Variants in MYO16 observed in about 807,000 individuals in gnomAD.
MYO16 encodes the protein unconventional myosin-XVI.
In MYO16, 94 loss-of-function variants were observed where a neutral mutation model predicts 205.3. That is an observed-to-expected ratio of 0.46 (90% confidence interval 0.39 to 0.54). The LOEUF (loss-of-function observed/expected upper bound fraction) is 0.54, where lower values mean the gene tolerates loss of function less well. Ranked by LOEUF, MYO16 falls within the 20% of genes least tolerant of loss-of-function variation. MYO16 has a pLI of 0.00. For synonymous variants in MYO16, 988 were observed against 954.0 expected (o/e 1.04, Z -0.66); for missense variants, 2,315 against 2,387.5 (o/e 0.97, Z 0.63).
At chr13:108,972,371 T>G (rs1391420480) in intron 20 of MYO16, among the ~76,000 whole-genome samples, 3 of 52,882 alleles carry the variant, frequency 5.7e-5, no homozygotes, top group Non-Finnish European at 1.0e-4. Flanking sequence ...TATATATATA[T>G]ATATATATAT....
At position 109,141,291 on chromosome 13, in the gene MYO16, C is replaced by G; in HGVS notation, c.5079C>G (p.Pro1693=). 1 of 1,597,282 alleles carries G rather than the reference C, an allele frequency of 6.3e-7. No homozygotes were observed. The highest frequency in any genetic ancestry group is 8.5e-7 in the Non-Finnish European group (1 of 1,172,478). The stretch of plus-strand genomic sequence containing the variant: ...CCAGCTCCAGGCCTCTCAGCAGCCC[C>G]CTGGACGAGCTCGCCAGCCTCTTCA... ...SPPSSRPLSS[P]LDELASLFNS... Residue 1693 remains proline, a synonymous_variant, in exon 32 of 35, where the codon CCC becomes CCG. Transcript: ENST00000457511. The surrounding 1 kb of genome is among the most constrained non-coding windows in gnomAD (Gnocchi z 4.1).
At chr13:108,914,573 A>G (rs1881405544) in intron 16 of MYO16, among the ~76,000 whole-genome samples, 3 of 152,208 alleles carry the variant, frequency 2.0e-5, no homozygotes, top group Admixed American at 2.0e-4. Context: ...TGCATCAGTA[A>G]CTGTGAGCTA....
At chr13:108,896,550 T>C (rs1880420196) in intron 14 of MYO16, among the ~76,000 whole-genome samples, 1 of 152,234 alleles carries the variant, frequency 6.6e-6, no homozygotes, top group African/African-American at 2.4e-5. Flanking sequence ...TTCACTATTA[T>C]CACAACTTGT....
At chr13:108,727,293 T>C (rs1325298184) in intron 3 of MYO16, 147 bp from the exon 4 acceptor site, 4 of 724,722 alleles carry the variant, frequency 5.5e-6, no homozygotes, top group Non-Finnish European at 8.8e-6. Flanking sequence ...TGTTGGTTAG[T>C]TGGGGAAATA....
chr13:109,151,299 C>T (rs918304232), intron 32 of MYO16, among the ~76,000 whole-genome samples: 1 of 152,206 alleles, frequency 6.6e-6, no homozygotes, highest in African/African-American at 2.4e-5. Flanking sequence ...ATCCTGGTTT[C>T]TCCTTGAAAT....
At chr13:108,826,269 AC>A (rs552542180) in intron 9 of MYO16, among the ~76,000 whole-genome samples, 132 of 152,272 alleles carry the variant, frequency 8.7e-4, no homozygotes, top group Admixed American at 8.1e-3. Flanking sequence ...AGAACCCCTT[AC>A]ATTTCTGGTT....
At chr13:108,762,843 C>A (rs536123819) in intron 4 of MYO16, among the ~76,000 whole-genome samples, 11 of 152,142 alleles carry the variant, frequency 7.2e-5, no homozygotes, top group Non-Finnish European at 1.3e-4. Context: ...TCTTAACCTA[C>A]GAGAACACCA....
At chr13:108,710,849 T>C (rs150634788) in intron 2 of MYO16, among the ~76,000 whole-genome samples, 2,777 of 152,344 alleles carry the variant, frequency 0.018, 46 homozygotes, top group South Asian at 0.051. Context: ...ATCACACTTA[T>C]GCTATTTCTT....
intron 10 of MYO16, 63 bp downstream of exon 10, chr13:108,844,556 TCC>T: frequency 6.9e-7 from 1 of 1,450,248 alleles, no homozygotes; most frequent in African/African-American, 1.4e-5. Flanking sequence ...TATTATAAAA[TCC>T]AACATATTTC....
At chr13:109,083,060 G>A (rs1423243208) in intron 27 of MYO16, among the ~76,000 whole-genome samples, 4 of 152,068 alleles carry the variant, frequency 2.6e-5, no homozygotes, top group African/African-American at 9.7e-5. Flanking sequence ...CTAAGCAAGG[G>A]AATATAAAGC....
chr13:108,748,110 A>T (rs1269201731), intron 4 of MYO16, among the ~76,000 whole-genome samples: 1 of 152,108 alleles, frequency 6.6e-6, no homozygotes, highest in Admixed American at 6.5e-5. Flanking sequence ...CTCCTGAGCA[A>T]TAAAACAGAC....
At chr13:108,915,348 G>C (rs1881449343) in intron 16 of MYO16, among the ~76,000 whole-genome samples, 1 of 152,032 alleles carries the variant, frequency 6.6e-6, no homozygotes, top group Non-Finnish European at 1.5e-5. Flanking sequence ...AAAGTCAGAC[G>C]AGAAAAACAA....
intron 13 of MYO16, chr13:108,886,390 T>A (rs1041029133): frequency 4.8e-5 from 22 of 456,094 alleles, no homozygotes; most frequent in Middle Eastern, 3.3e-4. Context: ...ATGCAGGATT[T>A]TGCTCCTTAG....
chr13:108,930,923 TTTAGA>T (rs1355786417), intron 16 of MYO16, among the ~76,000 whole-genome samples: 1 of 152,064 alleles, frequency 6.6e-6, no homozygotes, highest in Non-Finnish European at 1.5e-5. Context: ...GCCGTAACAG[TTTAGA>T]TTAAATAGAT....
chr13:108,674,848 G>C (rs575205158), intron 2 of MYO16, among the ~76,000 whole-genome samples: 1 of 152,136 alleles, frequency 6.6e-6, no homozygotes, highest in Non-Finnish European at 1.5e-5. Flanking sequence ...ACTTCGGATT[G>C]TAGAGCAAAT....
intron 3 of MYO16, among the ~76,000 whole-genome samples, chr13:108,723,377 A>G (rs1047633368): frequency 5.3e-5 from 8 of 152,096 alleles, no homozygotes; most frequent in Non-Finnish European, 1.0e-4. Flanking sequence ...CAATTTGCTA[A>G]TATTTCCCCT....
At chr13:108,531,909 G>T in the MYO16 span, among the ~76,000 whole-genome samples, 1 of 152,008 alleles carries the variant, frequency 6.6e-6, no homozygotes, top group South Asian at 2.1e-4. Context: ...AGAGTATGAG[G>T]TCATCAAAAG....
intron 27 of MYO16, among the ~76,000 whole-genome samples, chr13:109,070,056 C>A (rs949287764): frequency 1.3e-5 from 2 of 152,116 alleles, no homozygotes; most frequent in African/African-American, 4.8e-5. Flanking sequence ...ATTCTAGAAT[C>A]TAATACTGTA....
chr13:109,010,964 T>C (rs1309296314), intron 22 of MYO16, among the ~76,000 whole-genome samples: 1 of 134,736 alleles, frequency 7.4e-6, no homozygotes, highest in South Asian at 2.2e-4. Context: ...ATATTATATA[T>C]ATATATATAT....
Sources: gnomAD v4.1 joint callset for allele counts (sites outside exome capture counted in the v4.1 genomes callset) on GRCh38, gnomAD v4.1.1 for gene constraint, Gnocchi (gnomAD v3.1) non-coding constraint, MANE v1.5 for transcripts, NCBI Gene and HGNC (gene_info 2026-07-23, HGNC 2026-07-21) for gene names.